PLS3: variants seen among roughly 807,000 people sequenced by gnomAD.
The protein encoded by PLS3 is plastin 3, also known as plastin-3.
In PLS3, 11 loss-of-function variants were observed where a neutral mutation model predicts 46.5. The ratio of observed to expected loss-of-function variants is 0.24; its 90% CI spans 0.15 to 0.39. PLS3 has a LOEUF of 0.39. Ranked by LOEUF, PLS3 falls within the 10% of genes least tolerant of loss-of-function variation. The pLI is 1.00. For synonymous variants in PLS3, 167 were observed against 162.2 expected (o/e 1.03, Z -0.22); for missense variants, 308 against 461.8 (o/e 0.67, Z 3.05).
At position 115,642,038 on chromosome X, in the gene PLS3, CTT is replaced by C. The variant is rs782288958; in HGVS notation, c.988-1254_988-1253del. 4.7e-3 allele frequency among the ~76,000 whole-genome samples: 310 copies of C among 65,686 alleles called. 2 individuals carry two copies. The highest frequency in any genetic ancestry group is 0.018 in the African/African-American group (289 of 16,387). The allele number at this position is 65,686 out of a possible 115,157, so 57.0% of individuals were successfully genotyped here. The stretch of plus-strand genomic sequence containing the variant: ...TTCAGCTTTACACCTTCTTTAGGGT[CTT>C]TTTTTTTTTTTTTTTTTTTTAAGAG... On this transcript the variant is annotated intron_variant, in intron 9 of 15. Transcript: ENST00000355899.
intron 2 of PLS3, among the ~76,000 whole-genome samples, chrX:115,620,914 G>A (rs1556637449): frequency 1.8e-5 from 2 of 108,901 alleles, no homozygotes; most frequent in African/African-American, 6.7e-5. Flanking sequence ...GGCTGATCTC[G>A]AACTCCTGAC....
intron 1 of PLS3, among the ~76,000 whole-genome samples, chrX:115,579,797 A>G (rs781987313): frequency 2.2e-4 from 25 of 111,566 alleles, no homozygotes; most frequent in African/African-American, 7.8e-4. Context: ...CAGTGGCGCA[A>G]TCACGGCTCG....
intron 6 of PLS3, 29 bp downstream of exon 6, chrX:115,634,110 A>G (rs782736029): frequency 1.1e-6 from 1 of 874,053 alleles, no homozygotes; most frequent in Non-Finnish European, 1.7e-6. Flanking sequence ...TCCCTTTAAC[A>G]TGAAATTACT....
At chrX:115,590,944 C>A (rs1341909411) in intron 1 of PLS3, among the ~76,000 whole-genome samples, 9 of 110,972 alleles carry the variant, frequency 8.1e-5, no homozygotes, top group Non-Finnish European at 1.7e-4. Flanking sequence ...CGAGACCATC[C>A]TGGTTAACAC....
intron 1 of PLS3, among the ~76,000 whole-genome samples, chrX:115,565,194 G>C (rs1415992037): frequency 1.8e-5 from 2 of 111,200 alleles, no homozygotes; most frequent in African/African-American, 6.5e-5. Context: ...ATCATACTTG[G>C]GCCAATTTAT....
At chrX:115,622,456 T>TAGA in intron 3 of PLS3, 47 bp downstream of exon 3, 1 of 827,337 alleles carries the variant, frequency 1.2e-6, no homozygotes, top group Non-Finnish European at 1.8e-6. Context: ...AGATGTTCCC[T>TAGA]CGTCTAGTGG....
chrX:115,634,858 T>C (rs373720877), intron 6 of PLS3, 23 bp from the exon 7 acceptor site: 58 of 1,187,363 alleles, frequency 4.9e-5, no homozygotes, highest in Non-Finnish European at 6.4e-5. Context: ...AAGAAGCAAG[T>C]GTGTAATTTG....
At chrX:115,611,539 C>G (rs147753822) in intron 2 of PLS3, among the ~76,000 whole-genome samples, 2,423 of 110,433 alleles carry the variant, frequency 0.022, 34 homozygotes, top group Non-Finnish European at 0.035. Context: ...ATTTTTGAAC[C>G]TTTTTTAAAA....
intron 1 of PLS3, among the ~76,000 whole-genome samples, chrX:115,601,410 T>G (rs1264594415): frequency 1.9e-5 from 2 of 106,555 alleles, no homozygotes; most frequent in Admixed American, 2.0e-4. Context: ...ATCAGGAGAT[T>G]AGCAGTGTAA....
rs782647040 is a variant in PLS3 at position 115,646,069 on chromosome X, T to C, written c.1263-3T>C. 2 of 1,074,641 alleles carry C rather than the reference T, an allele frequency of 1.9e-6. No individual in the cohort carries two copies. The allele number at this position is 1,074,641 out of a possible 1,213,427, so 88.6% of individuals were successfully genotyped here. ...ACTGATTACATTATTTTTAAATCAT[T>C]AGTGACCTGCAAGATGCCCTGGTAA... On this transcript the variant is annotated splice_polypyrimidine_tract_variant and splice_region_variant and intron_variant, in intron 11 of 15. Coordinates refer to ENST00000355899, the MANE Select transcript of PLS3 (RefSeq NM_005032.7).
At chrX:115,647,807 G>T in intron 14 of PLS3, 86 bp from the exon 15 acceptor site, 4 of 1,158,242 alleles carry the variant, frequency 3.5e-6, no homozygotes, top group Non-Finnish European at 4.7e-6. Context: ...GAATTCACTG[G>T]GCTTTGTTTT....
At chrX:115,620,716 T>C (rs1431828229) in intron 2 of PLS3, among the ~76,000 whole-genome samples, 4 of 87,770 alleles carry the variant, frequency 4.6e-5, no homozygotes, top group Admixed American at 1.2e-4. Flanking sequence ...CTTTTTTTTT[T>C]TTTTTTTTTT....
At chrX:115,610,947 A>G (rs782239623) in intron 2 of PLS3, 3 of 765,488 alleles carry the variant, frequency 3.9e-6, no homozygotes, top group South Asian at 2.3e-5. Flanking sequence ...TTACATTCCA[A>G]ATTTTAGTGC....
intron 2 of PLS3, chrX:115,621,960 C>G: frequency 4.5e-6 from 1 of 219,857 alleles, no homozygotes; most frequent in Non-Finnish European, 8.0e-6. Context: ...CCTATTAGCG[C>G]CAAGTTAATA....
chrX:115,605,289 A>AT (rs1424120254), intron 1 of PLS3, among the ~76,000 whole-genome samples: 2 of 111,684 alleles, frequency 1.8e-5, no homozygotes, highest in Non-Finnish European at 3.8e-5. Context: ...TAGATGGGAA[A>AT]TCTGAGTTAC....
intron 2 of PLS3, among the ~76,000 whole-genome samples, chrX:115,621,053 G>A (rs888003759): frequency 9.3e-6 from 1 of 107,387 alleles, no homozygotes; most frequent in Non-Finnish European, 1.9e-5. Flanking sequence ...TCACTCTGTT[G>A]CCCAGGCTGG....
Position 115,622,239 on chromosome X carries a change from T to C in PLS3, c.74-7T>C. The C allele has an allele frequency of 8.4e-7, 1 of 1,188,815 alleles. No homozygotes were observed. The highest frequency in any genetic ancestry group is 1.9e-5 in the South Asian group (1 of 51,351). Reference sequence around the variant, plus strand: ...TCCTTTTTTGCTTGCTCTCCTTTTTTACAAAGATCTCAACAGCAACGGATT... The same window carrying C: ...TCCTTTTTTGCTTGCTCTCCTTTTTCACAAAGATCTCAACAGCAACGGATT... On this transcript the variant is annotated splice_polypyrimidine_tract_variant and splice_region_variant and intron_variant, in intron 2 of 15. Coordinates refer to ENST00000355899, the MANE Select transcript of PLS3 (RefSeq NM_005032.7).
chrX:115,621,901 C>T (rs1461754990), intron 2 of PLS3, among the ~76,000 whole-genome samples: 1 of 111,503 alleles, frequency 9.0e-6, no homozygotes, highest in African/African-American at 3.3e-5. Flanking sequence ...TGTTCTATAC[C>T]ATGGAAGTGT....
intron 1 of PLS3, among the ~76,000 whole-genome samples, chrX:115,596,041 A>T (rs115532469): frequency 0.03 from 3,385 of 112,102 alleles, 131 homozygotes; most frequent in African/African-American, 0.1. Flanking sequence ...GGTTGAAAGT[A>T]AAAACTGCTT....
Sources: allele counts gnomAD v4.1 joint callset (sites outside exome capture counted in the v4.1 genomes callset), GRCh38; gene constraint gnomAD v4.1.1; transcripts MANE v1.5; gene names NCBI Gene and HGNC (gene_info 2026-07-23, HGNC 2026-07-21).